DPH6: variants seen among roughly 807,000 people sequenced by gnomAD.
The protein encoded by DPH6 is diphthamine biosynthesis 6, also known as diphthine--ammonia ligase.
Under a neutral mutation model 38.2 loss-of-function variants are expected in DPH6, and 33 were observed. The ratio of observed to expected loss-of-function variants is 0.86; its 90% CI spans 0.65 to 1.15. The LOEUF is 1.15. DPH6 is among the 50% of genes most tolerant of loss of function. The probability of loss-of-function intolerance (pLI) is 0.00; values close to 1 mark genes in which losing one functional copy is unlikely to be tolerated. For synonymous variants in DPH6, 108 were observed against 103.0 expected (o/e 1.05, Z -0.30); for missense variants, 325 against 320.0 (o/e 1.02, Z -0.12).
chr15:35,201,558 G>T, the DPH6 span, among the ~76,000 whole-genome samples: 28 of 151,818 alleles, frequency 1.8e-4, no homozygotes, highest in East Asian at 3.9e-3. Flanking sequence ...TACATTAATT[G>T]CTATCTTTAC....
chr15:35,341,867 A>G (rs532616142), intron 3 of DPH6, among the ~76,000 whole-genome samples: 2 of 152,296 alleles, frequency 1.3e-5, no homozygotes, highest in African/African-American at 4.8e-5. Flanking sequence ...CTGCTTAAAG[A>G]AGCAGCCTGG....
the DPH6 span, among the ~76,000 whole-genome samples, chr15:35,190,988 T>C: frequency 1.3e-5 from 2 of 152,196 alleles, no homozygotes; most frequent in Non-Finnish European, 2.9e-5. Context: ...CTGAGGTAGC[T>C]TCTGAGGCCT....
intron 3 of DPH6, among the ~76,000 whole-genome samples, chr15:35,527,371 G>A (rs528630268): frequency 6.6e-6 from 1 of 152,136 alleles, no homozygotes; most frequent in East Asian, 1.9e-4. Context: ...CAGAGGAGTA[G>A]AGTTTAACAC....
At chr15:35,155,815 T>C in the DPH6 span, among the ~76,000 whole-genome samples, 1 of 152,364 alleles carries the variant, frequency 6.6e-6, no homozygotes, top group Non-Finnish European at 1.5e-5. Context: ...AATCACATTA[T>C]ATTTCTTATA....
intron 5 of DPH6, among the ~76,000 whole-genome samples, chr15:35,450,274 AT>A (rs1466840187): frequency 2.0e-5 from 3 of 152,106 alleles, no homozygotes; most frequent in Non-Finnish European, 4.4e-5. Flanking sequence ...ATGCTAAAAA[AT>A]ACAAGGAAAA....
At chr15:35,441,830 A>C (rs2053792670) in intron 5 of DPH6, among the ~76,000 whole-genome samples, 1 of 152,078 alleles carries the variant, frequency 6.6e-6, no homozygotes, top group African/African-American at 2.4e-5. Context: ...ATGAGCTCAT[A>C]TATGTATGTG....
At chr15:35,504,652 AG>A (rs1267361278) in intron 3 of DPH6, among the ~76,000 whole-genome samples, 2 of 152,140 alleles carry the variant, frequency 1.3e-5, no homozygotes, top group Non-Finnish European at 2.9e-5. Context: ...GAATGGATGC[AG>A]CTCTTCTTTA....
At chr15:35,494,005 C>G (rs941482432) in intron 3 of DPH6, among the ~76,000 whole-genome samples, 1 of 152,062 alleles carries the variant, frequency 6.6e-6, no homozygotes, top group African/African-American at 2.4e-5. Context: ...AGATTCAAAT[C>G]ATGATTCCAC....
chr15:35,299,134 GA>G, intron 3 of DPH6: 1 of 1,096,716 alleles, frequency 9.1e-7, no homozygotes, highest in Non-Finnish European at 1.4e-6. Context: ...CAATCGTTAG[GA>G]AACATAGGAT....
chr15:35,356,731 G>C (rs1049871367), intron 3 of DPH6, among the ~76,000 whole-genome samples: 6 of 152,332 alleles, frequency 3.9e-5, no homozygotes, highest in Admixed American at 3.3e-4. Flanking sequence ...TCGGGGGTCA[G>C]GGACCCACTT....
At chr15:35,163,312 T>C in the DPH6 span, among the ~76,000 whole-genome samples, 1 of 151,842 alleles carries the variant, frequency 6.6e-6, no homozygotes, top group East Asian at 1.9e-4. Flanking sequence ...CCAATACTGA[T>C]TCCCCAATTC....
chr15:35,253,812 C>T (rs1480786605), intron 3 of DPH6, among the ~76,000 whole-genome samples: 2 of 152,184 alleles, frequency 1.3e-5, no homozygotes, highest in African/African-American at 4.8e-5. Flanking sequence ...TAAAGCGGCA[C>T]ATCAACCAGC....
At chr15:35,357,552 T>C (rs1022353153) in intron 3 of DPH6, among the ~76,000 whole-genome samples, 6 of 152,218 alleles carry the variant, frequency 3.9e-5, no homozygotes, top group African/African-American at 1.4e-4. Context: ...GAAAGCTCCT[T>C]TTAGTTCTTG....
intron 3 of DPH6, among the ~76,000 whole-genome samples, chr15:35,250,390 A>G (rs919573645): frequency 6.6e-6 from 1 of 152,142 alleles, no homozygotes; most frequent in African/African-American, 2.4e-5. Flanking sequence ...GTGGCACTGT[A>G]TAAGTCAGAG....
chr15:35,483,129 A>G (rs1218021920), intron 3 of DPH6, among the ~76,000 whole-genome samples: 2 of 152,122 alleles, frequency 1.3e-5, no homozygotes, highest in Non-Finnish European at 2.9e-5. Context: ...TAAGTATATA[A>G]AAAGATACTC....
At chr15:35,281,996 A>G (rs1566858703) in intron 3 of DPH6, among the ~76,000 whole-genome samples, 1 of 152,222 alleles carries the variant, frequency 6.6e-6, no homozygotes, top group Admixed American at 6.5e-5. Flanking sequence ...GATGCTTCAT[A>G]GAATTTAGAC....
At chr15:35,325,187 C>A (rs2052272145) in intron 3 of DPH6, among the ~76,000 whole-genome samples, 1 of 152,086 alleles carries the variant, frequency 6.6e-6, no homozygotes, top group African/African-American at 2.4e-5. Context: ...CATTTCTAAT[C>A]TGAATTCCAG....
At chr15:35,157,698 C>T in the DPH6 span, among the ~76,000 whole-genome samples, 1 of 152,210 alleles carries the variant, frequency 6.6e-6, no homozygotes, top group African/African-American at 2.4e-5. Flanking sequence ...AGAATGGATG[C>T]TCCTACTGCA....
chr15:35,166,315 C>T, the DPH6 span, among the ~76,000 whole-genome samples: 1 of 151,892 alleles, frequency 6.6e-6, no homozygotes, highest in East Asian at 1.9e-4. Flanking sequence ...TTGTCCTAAC[C>T]CATTTTTCCA....
Sources: allele counts gnomAD v4.1 joint callset (sites outside exome capture counted in the v4.1 genomes callset), GRCh38; gene constraint gnomAD v4.1.1; transcripts MANE v1.5; gene names NCBI Gene and HGNC (gene_info 2026-07-23, HGNC 2026-07-21).